The following RAI1 variants were observed in gnomAD, a reference collection of about 807,000 sequenced individuals.
The protein encoded by RAI1 is retinoic acid-induced protein 1.
Under a neutral mutation model 123.8 loss-of-function variants are expected in RAI1, and 9 were observed. The observed-to-expected ratio is 0.07, with a 90% CI of 0.04 to 0.13. The LOEUF (loss-of-function observed/expected upper bound fraction) is 0.13. RAI1 is among the 10% of genes least tolerant of loss of function. The pLI, the probability that RAI1 is intolerant of heterozygous loss-of-function variation, is 1.00. For missense variants in RAI1, 2,256 were observed against 2,545.8 expected (o/e 0.89, Z 2.45); for synonymous variants, 1,231 against 1,127.3 (o/e 1.09, Z -1.84).
At chr17:17,746,397 G>A (rs974564466) in intron 2 of RAI1, among the ~76,000 whole-genome samples, 3 of 152,200 alleles carry the variant, frequency 2.0e-5, no homozygotes, top group South Asian at 2.1e-4. Context: ...GGACTGGGTC[G>A]GTCTGGCTCT....
chr17:17,697,395 T>A (rs1299841516), intron 1 of RAI1, among the ~76,000 whole-genome samples: 1 of 152,234 alleles, frequency 6.6e-6, no homozygotes, highest in Non-Finnish European at 1.5e-5. Context: ...CACCGCTGTG[T>A]ACTCTCAGAA....
intron 2 of RAI1, chr17:17,777,862 G>A (rs1409475342): frequency 1.3e-5 from 2 of 152,304 alleles, no homozygotes; most frequent in East Asian, 1.9e-4. Flanking sequence ...TGGAGAGTCC[G>A]GAGGGTTGCC....
intron 2 of RAI1, among the ~76,000 whole-genome samples, chr17:17,771,649 G>C (rs1441416375): frequency 1.3e-5 from 2 of 152,198 alleles, no homozygotes; most frequent in East Asian, 1.9e-4. Flanking sequence ...ACCGCCTCCC[G>C]CCTTTGTTTC....
At chr17:17,784,875 C>T (rs767195759) in intron 2 of RAI1, among the ~76,000 whole-genome samples, 1 of 152,166 alleles carries the variant, frequency 6.6e-6, no homozygotes, top group Non-Finnish European at 1.5e-5. Flanking sequence ...TGGGAGGTAA[C>T]TGCAGGGGTC....
chr17:17,772,232 G>C (rs1207445326), intron 2 of RAI1, among the ~76,000 whole-genome samples: 2 of 152,168 alleles, frequency 1.3e-5, no homozygotes, highest in East Asian at 3.9e-4. Context: ...CCAGTATCTA[G>C]AATTGGCTGT....
intron 2 of RAI1, among the ~76,000 whole-genome samples, chr17:17,771,915 C>T (rs1448815659): frequency 1.3e-5 from 2 of 152,198 alleles, no homozygotes; most frequent in Non-Finnish European, 2.9e-5. Context: ...TCCCCACCAC[C>T]CCCCACCTGC....
chr17:17,781,792 T>C (rs998823026), intron 2 of RAI1, among the ~76,000 whole-genome samples: 7 of 152,174 alleles, frequency 4.6e-5, no homozygotes, highest in Non-Finnish European at 8.8e-5. Context: ...TTAGAGCGGC[T>C]TAGGGAGGGA....
intron 2 of RAI1, among the ~76,000 whole-genome samples, chr17:17,792,098 C>T (rs921300738): frequency 1.3e-5 from 2 of 152,152 alleles, no homozygotes; most frequent in African/African-American, 2.4e-5. Flanking sequence ...TCTCTACTCC[C>T]ATTAGTATGC....
chr17:17,771,130 T>C (rs953196728), intron 2 of RAI1, among the ~76,000 whole-genome samples: 8 of 152,110 alleles, frequency 5.3e-5, no homozygotes, highest in African/African-American at 1.9e-4. Flanking sequence ...GGCAGGGCCA[T>C]GCCCCTGACC....
Position 17,796,578 on chromosome 17 carries a change from A to C in RAI1, c.3630A>C (p.Ala1210=). The C allele has an allele frequency of 2.5e-6, 4 of 1,611,656 alleles. No individual in the cohort carries two copies. Among genetic ancestry groups the C allele is most frequent in the Non-Finnish European group, 3.4e-6 (4 of 1,179,980 alleles). Residue 1210 remains alanine, a synonymous_variant, in exon 3 of 6, where the codon GCA becomes GCC. Transcript: ENST00000353383. The surrounding 1 kb of genome is among the most constrained non-coding windows in gnomAD (Gnocchi z 5.8). The stretch of plus-strand genomic sequence containing the variant: ...GGGCAAGGGTCCCCAAACCTGGTGC[A>C]GGCAGCAAGCTCTCTGACCGGCCCC... ...SQRARVPKPG[A]GSKLSDRPLH...
At chr17:17,726,488 C>T (rs1197453683) in intron 2 of RAI1, among the ~76,000 whole-genome samples, 3 of 152,224 alleles carry the variant, frequency 2.0e-5, no homozygotes, top group Non-Finnish European at 4.4e-5. Context: ...GCCTTCCCTT[C>T]CCCAGACCTC....
intron 2 of RAI1, among the ~76,000 whole-genome samples, chr17:17,764,457 C>G (rs1359456945): frequency 1.3e-5 from 2 of 150,810 alleles, no homozygotes; most frequent in East Asian, 1.9e-4. Context: ...CCTTTTCTGT[C>G]CAACTTCTTT....
intron 2 of RAI1, among the ~76,000 whole-genome samples, chr17:17,732,073 C>T (rs966765063): frequency 2.6e-5 from 4 of 151,648 alleles, no homozygotes; most frequent in African/African-American, 9.7e-5. Flanking sequence ...CCTAGGTGCC[C>T]AGCCCTGGGC....
chr17:17,693,316 A>G (rs1914902757), intron 1 of RAI1, among the ~76,000 whole-genome samples: 1 of 152,134 alleles, frequency 6.6e-6, no homozygotes. Flanking sequence ...TCATCTCCTT[A>G]TCTCCTGGCA....
In RAI1 at chr17:17,728,742, C is replaced by T. The variant is rs150879760; in HGVS notation, c.-17+4583C>T. 3.3e-5 allele frequency among the ~76,000 whole-genome samples: 5 copies of T among 152,330 alleles called. No individual in the cohort carries two copies. The East Asian group carries it at 7.7e-4, about 23-fold the overall frequency. ...TGTTTGCACAGATCCTGCAAGTCAGCGCTTGTGGTTCCAGTTTTACAGAGA... is the reference window on the plus strand; with the variant it reads ...TGTTTGCACAGATCCTGCAAGTCAGTGCTTGTGGTTCCAGTTTTACAGAGA... On this transcript the variant is annotated intron_variant, in intron 2 of 5. Coordinates refer to ENST00000353383, the MANE Select transcript of RAI1 (RefSeq NM_030665.4).
At chr17:17,754,820 G>T (rs190317720) in intron 2 of RAI1, among the ~76,000 whole-genome samples, 66 of 152,344 alleles carry the variant, frequency 4.3e-4, no homozygotes, top group Admixed American at 4.2e-3. Flanking sequence ...TCTGCACAGA[G>T]GGTGGGAGAG....
intron 2 of RAI1, among the ~76,000 whole-genome samples, chr17:17,727,915 C>T (rs1916145771): frequency 6.6e-6 from 1 of 152,110 alleles, no homozygotes; most frequent in Non-Finnish European, 1.5e-5. Context: ...TATTCCCCAT[C>T]AGAGGACAGG....
rs373517492 is a variant in RAI1 at position 17,795,147 on chromosome 17, C to T, written c.2199C>T (p.Thr733=). 4.8e-5 allele frequency: 78 copies of T among 1,614,044 alleles called. No homozygotes were observed. Among genetic ancestry groups the T allele is most frequent in the South Asian group, 3.8e-4 (35 of 91,084 alleles). ...CTTTTGACTGTTTCCCGGACACAACCGCTGCCAGCTCAGCGGACAGCGCCA... is the reference window on the plus strand; with the variant it reads ...CTTTTGACTGTTTCCCGGACACAACTGCTGCCAGCTCAGCGGACAGCGCCA... ...TAAFDCFPDT[T]AASSADSANP... is the part of the protein sequence containing the mutation. Residue 733 remains threonine, a synonymous_variant, in exon 3 of 6, where the codon ACC becomes ACT. Coordinates refer to ENST00000353383, the MANE Select transcript of RAI1 (RefSeq NM_030665.4). The surrounding 1 kb of genome is among the most constrained non-coding windows in gnomAD (Gnocchi z 5.9).
At chr17:17,688,999 A>G (rs1914748817) in intron 1 of RAI1, among the ~76,000 whole-genome samples, 1 of 150,336 alleles carries the variant, frequency 6.7e-6, no homozygotes, top group Non-Finnish European at 1.5e-5. Context: ...TCTGTCGCCC[A>G]GACTGGAGTG....
Sources: allele counts gnomAD v4.1 joint callset (sites outside exome capture counted in the v4.1 genomes callset), GRCh38; gene constraint gnomAD v4.1.1; non-coding constraint Gnocchi (gnomAD v3.1); transcripts MANE v1.5; gene names NCBI Gene and HGNC (gene_info 2026-07-23, HGNC 2026-07-21).